The following IGBP1 variants were observed in gnomAD, a reference collection of about 807,000 sequenced individuals.
The protein encoded by IGBP1 is immunoglobulin binding protein 1, also known as immunoglobulin-binding protein 1.
IGBP1 carries 2 observed loss-of-function variants against 25.9 expected under a neutral mutation model. The ratio of observed to expected loss-of-function variants is 0.08; its 90% CI spans 0.03 to 0.24. IGBP1 has a LOEUF of 0.24. Ranked by LOEUF, IGBP1 falls within the 10% of genes least tolerant of loss-of-function variation. The pLI is 1.00. For synonymous variants in IGBP1, 96 were observed against 93.4 expected (o/e 1.03, Z -0.16); for missense variants, 187 against 260.4 (o/e 0.72, Z 1.94).
chrX:70,137,771 A>T (rs1217046801), intron 3 of IGBP1, among the ~76,000 whole-genome samples: 1 of 107,900 alleles, frequency 9.3e-6, no homozygotes, highest in Admixed American at 1.0e-4. Context: ...AAAAAAAAAA[A>T]ACTGCAAGAG....
intron 3 of IGBP1, among the ~76,000 whole-genome samples, chrX:70,144,825 A>G (rs2085155981): frequency 1.9e-5 from 2 of 106,787 alleles, no homozygotes; most frequent in Admixed American, 1.0e-4. Context: ...ACATCCAGCT[A>G]ATTTTTGTAT....
At chrX:70,143,991 C>T (rs1406627814) in intron 3 of IGBP1, among the ~76,000 whole-genome samples, 1 of 112,050 alleles carries the variant, frequency 8.9e-6, no homozygotes, top group Non-Finnish European at 1.9e-5. Flanking sequence ...AGTTCAAGAC[C>T]AGCCTGGCCA....
At position 70,133,452 on chromosome X, in the gene IGBP1, T is replaced by G. The variant is rs1345087162; in HGVS notation, c.-314T>G. 1.3e-4 allele frequency: 29 copies of G among 217,344 alleles called. No homozygotes were observed. Among genetic ancestry groups the G allele is most frequent in the Non-Finnish European group, 1.7e-5 (2 of 120,369 alleles). The allele number at this position is 217,344 out of a possible 1,213,427, so 17.9% of individuals were successfully genotyped here. ...ACCGCAGGGGGGCGCTACTTGCACTTCGCGCTCAAGCGACCGGATCTTCAA... is the reference window on the plus strand; with the variant it reads ...ACCGCAGGGGGGCGCTACTTGCACTGCGCGCTCAAGCGACCGGATCTTCAA... On this transcript the variant is annotated 5_prime_UTR_variant, in exon 1 of 7. Transcript: ENST00000356413.
At chrX:70,138,644 A>G (rs1297970847) in intron 3 of IGBP1, among the ~76,000 whole-genome samples, 1 of 111,741 alleles carries the variant, frequency 8.9e-6, no homozygotes, top group Admixed American at 9.5e-5. Context: ...TTTCAGTTAC[A>G]TAGTTATTTA....
chrX:70,140,514 G>T (rs1252247196), intron 3 of IGBP1, among the ~76,000 whole-genome samples: 1 of 112,332 alleles, frequency 8.9e-6, no homozygotes, highest in African/African-American at 3.2e-5. Context: ...GATAAAAAAT[G>T]AAGTTATAGC....
chrX:70,154,736 A>G (rs1195453305), intron 6 of IGBP1, among the ~76,000 whole-genome samples: 1 of 98,990 alleles, frequency 1.0e-5, no homozygotes, highest in African/African-American at 3.8e-5. Context: ...AAAAAAAAAA[A>G]GTTTTAAAAA....
chrX:70,161,151 C>G (rs990696223), intron 6 of IGBP1, among the ~76,000 whole-genome samples: 1 of 112,038 alleles, frequency 8.9e-6, no homozygotes, highest in Non-Finnish European at 1.9e-5. Flanking sequence ...CAGAAATATT[C>G]TTCCCAATAT....
intron 6 of IGBP1, among the ~76,000 whole-genome samples, chrX:70,155,388 A>G (rs1391890953): frequency 1.9e-5 from 2 of 107,591 alleles, no homozygotes; most frequent in African/African-American, 6.8e-5. Context: ...CCAGCTACTC[A>G]GGAGGCTGAG....
At position 70,133,788 on chromosome X, in the gene IGBP1, T is replaced by C; in HGVS notation, c.-160T>C. On this transcript the variant is annotated 5_prime_UTR_variant, in exon 2 of 7. The change abolishes the stop of an existing upstream ORF in the 5' untranslated region. Transcript: ENST00000356413. ...TATGGAAACGGTTGCCAGGGCCGGC[T>C]AACAGCGGCTCCCGGAAGTCCTTTG... 4.2e-6 allele frequency: 2 copies of C among 480,870 alleles called. No homozygotes were observed. The highest frequency in any genetic ancestry group is 3.6e-6 in the Non-Finnish European group (1 of 281,323). The allele number at this position is 480,870 out of a possible 1,213,427, so 39.6% of individuals were successfully genotyped here. A position where few individuals can be genotyped will look rare whatever the true frequency, so the allele number is the denominator to read the frequency against.
chrX:70,153,525 C>T (rs1602672311), intron 6 of IGBP1, among the ~76,000 whole-genome samples: 1 of 112,301 alleles, frequency 8.9e-6, no homozygotes, highest in Middle Eastern at 4.6e-3. Flanking sequence ...ACAGCCATCG[C>T]AAAAAGGACA....
In IGBP1 at chrX:70,134,694, T is replaced by C. The variant is rs1398340373; in HGVS notation, c.360T>C (p.His120=). 4 of 1,211,381 alleles carry C rather than the reference T, an allele frequency of 3.3e-6. No individual in the cohort carries two copies. The highest frequency in any genetic ancestry group is 3.4e-6 in the Non-Finnish European group (3 of 894,749). The part of the protein sequence containing the change: ...INYLTQCHCY[H]VAEFELPKTM... ...ACTTAACTCAGTGCCATTGCTATCA[T>C]GTGGCAGAGTTTGAGCTGCCCAAAA... The change falls in exon 3 of 7, where the codon CAT becomes CAC. Residue 120 remains histidine, a synonymous_variant. Transcript: ENST00000356413.
chrX:70,133,891 T>C lies in IGBP1; in HGVS notation c.-57T>C, dbSNP rs1026128586. ...TGTCCGCGCTCGCCTAATTCTTCTTTATCAAGGTTGCCTTTGACCCCGGAA... is the reference window on the plus strand; with the variant it reads ...TGTCCGCGCTCGCCTAATTCTTCTTCATCAAGGTTGCCTTTGACCCCGGAA... On this transcript the variant is annotated 5_prime_UTR_variant, in exon 2 of 7. Transcript: ENST00000356413. The C allele has an allele frequency of 3.7e-6, 4 of 1,093,613 alleles. No individual in the cohort carries two copies. The highest frequency in any genetic ancestry group is 3.7e-5 in the African/African-American group (2 of 54,681). The allele number at this position is 1,093,613 out of a possible 1,213,427, so 90.1% of individuals were successfully genotyped here.
chrX:70,135,278 G>GT (rs1008812709), intron 3 of IGBP1, among the ~76,000 whole-genome samples: 47 of 111,298 alleles, frequency 4.2e-4, no homozygotes, highest in Non-Finnish European at 7.0e-4. Flanking sequence ...ACTTTCTTAG[G>GT]TTTTTTTTGT....
At chrX:70,163,631 C>T (rs376904110) in intron 6 of IGBP1, among the ~76,000 whole-genome samples, 21 of 111,603 alleles carry the variant, frequency 1.9e-4, no homozygotes, top group Non-Finnish European at 4.0e-4. Context: ...AACATTACAA[C>T]GAGACAGAGA....
chrX:70,138,705 A>C (rs184463939), intron 3 of IGBP1, among the ~76,000 whole-genome samples: 1 of 111,037 alleles, frequency 9.0e-6, no homozygotes, highest in African/African-American at 3.3e-5. Flanking sequence ...CTGTTTTTTT[A>C]ACCTAACATT....
chrX:70,140,476 T>C (rs1454768442), intron 3 of IGBP1, among the ~76,000 whole-genome samples: 1 of 112,364 alleles, frequency 8.9e-6, no homozygotes, highest in African/African-American at 3.2e-5. Context: ...GTTAGCATGT[T>C]ATAATAGTAC....
Position 70,133,525 on chromosome X carries a change from G to A in IGBP1, c.-241G>A. 2.9e-6 allele frequency: 1 copy of A among 344,787 alleles called. No homozygotes were observed. Among genetic ancestry groups the A allele is most frequent in the Non-Finnish European group, 5.0e-6 (1 of 199,709 alleles). The allele number at this position is 344,787 out of a possible 1,213,427, so 28.4% of individuals were successfully genotyped here. A position where few individuals can be genotyped will look rare whatever the true frequency, so the allele number is the denominator to read the frequency against. On this transcript the variant is annotated 5_prime_UTR_variant, in exon 1 of 7. Transcript: ENST00000356413. ...TAGAGTCCCTGGACTCCTCAACCTA[G>A]GGAGCTACTCGCGAGGTAAGGGGCG...
chrX:70,145,498 A>T (rs1777040361), intron 3 of IGBP1, among the ~76,000 whole-genome samples: 2 of 110,943 alleles, frequency 1.8e-5, no homozygotes, highest in African/African-American at 6.6e-5. Context: ...CCATATTTTT[A>T]AAAGTGTTTT....
At chrX:70,148,200 T>C (rs1273295072) in intron 4 of IGBP1, among the ~76,000 whole-genome samples, 1 of 112,323 alleles carries the variant, frequency 8.9e-6, no homozygotes, top group East Asian at 2.8e-4. Flanking sequence ...AACCATCCTT[T>C]GTTTCAGCAT....
Sources: gnomAD v4.1 joint callset for allele counts (sites outside exome capture counted in the v4.1 genomes callset) on GRCh38, gnomAD v4.1.1 for gene constraint, MANE v1.5 for transcripts, NCBI Gene and HGNC (gene_info 2026-07-23, HGNC 2026-07-21) for gene names.